Variants in BMAL1 observed in about 807,000 individuals in gnomAD.
BMAL1 encodes basic helix-loop-helix ARNT-like protein 1.
chr11:13,354,514 T>TAGCAGCCAGCTACTGTTTCATCC, the BMAL1 span: 1 of 1,568,324 alleles, frequency 6.4e-7, no homozygotes, highest in African/African-American at 1.4e-5. Context: ...ATGGAACATC[T>TAGCAGCCAGCTACTGTTTCATCC]AGCAGCCAGC....
chr11:13,383,937 CTT>C, the BMAL1 span, among the ~76,000 whole-genome samples: 1 of 152,112 alleles, frequency 6.6e-6, no homozygotes, highest in Non-Finnish European at 1.5e-5. Flanking sequence ...AAGCACACAT[CTT>C]TTTAATGCTC....
the BMAL1 span, among the ~76,000 whole-genome samples, chr11:13,277,267 G>A: frequency 6.6e-6 from 1 of 152,222 alleles, no homozygotes; most frequent in South Asian, 2.1e-4. Flanking sequence ...ATGCCCGGAG[G>A]GGAGAAGAAG....
the BMAL1 span, chr11:13,356,342 G>A: frequency 2.1e-6 from 1 of 475,196 alleles, no homozygotes; most frequent in Non-Finnish European, 4.2e-6. Context: ...AATATGTTTT[G>A]CAAACAGAAT....
the BMAL1 span, among the ~76,000 whole-genome samples, chr11:13,366,497 T>G: frequency 6.6e-6 from 1 of 152,332 alleles, no homozygotes; most frequent in East Asian, 1.9e-4. Context: ...GCCTCCTTCC[T>G]GGTGTCAGGC....
At chr11:13,279,903 G>T in the BMAL1 span, among the ~76,000 whole-genome samples, 1 of 152,186 alleles carries the variant, frequency 6.6e-6, no homozygotes, top group Non-Finnish European at 1.5e-5. Flanking sequence ...AACAGATCTG[G>T]TAGAAAAGCA....
At chr11:13,360,145 C>T in the BMAL1 span, among the ~76,000 whole-genome samples, 1 of 152,178 alleles carries the variant, frequency 6.6e-6, no homozygotes, top group Non-Finnish European at 1.5e-5. Context: ...ACAGTGTTCT[C>T]TCTTCCATGG....
At chr11:13,369,563 C>G in the BMAL1 span, 1 of 1,605,638 alleles carries the variant, frequency 6.2e-7, no homozygotes, top group Non-Finnish European at 8.5e-7. Context: ...CACACTCCCC[C>G]TCCTGACAGA....
chr11:13,336,830 T>C, the BMAL1 span, among the ~76,000 whole-genome samples: 1 of 152,220 alleles, frequency 6.6e-6, no homozygotes, highest in Non-Finnish European at 1.5e-5. Flanking sequence ...AGTAAGCTTT[T>C]GGTCCCTTAA....
At chr11:13,357,687 C>T in the BMAL1 span, among the ~76,000 whole-genome samples, 33 of 152,350 alleles carry the variant, frequency 2.2e-4, no homozygotes, top group African/African-American at 7.2e-4. This position sits in a 1 kb window ranked among gnomAD's most constrained non-coding sequence, Gnocchi z 4.8. Flanking sequence ...CCTAAGGCTT[C>T]AAGCTCTTCC....
the BMAL1 span, among the ~76,000 whole-genome samples, chr11:13,367,402 GA>G: frequency 6.6e-6 from 1 of 152,114 alleles, no homozygotes. Context: ...AGTTAAGAAT[GA>G]GAGAATGAGG....
chr11:13,301,025 A>C, the BMAL1 span, among the ~76,000 whole-genome samples: 2 of 152,046 alleles, frequency 1.3e-5, 1 homozygote. Flanking sequence ...GCAACTTCTG[A>C]CTACCTGATT....
the BMAL1 span, chr11:13,366,798 G>C: frequency 6.2e-7 from 1 of 1,605,692 alleles, no homozygotes; most frequent in Non-Finnish European, 8.5e-7. Context: ...TACCAGAGAG[G>C]CCTCGCATTT....
chr11:13,343,922 A>G, the BMAL1 span, among the ~76,000 whole-genome samples: 1 of 152,150 alleles, frequency 6.6e-6, no homozygotes, highest in Non-Finnish European at 1.5e-5. Context: ...ATCAAGCCCC[A>G]TAGCTCCAAA....
chr11:13,309,191 G>A, the BMAL1 span, among the ~76,000 whole-genome samples: 317 of 152,234 alleles, frequency 2.1e-3, no homozygotes, highest in African/African-American at 7.2e-3. Context: ...TGAAATGGAT[G>A]CGCCATCTCA....
chr11:13,277,802 T>C, the BMAL1 span: 1 of 152,166 alleles, frequency 6.6e-6, no homozygotes, highest in African/African-American at 2.4e-5. Context: ...TGGTGCGACA[T>C]TTAGGGAAGG....
At chr11:13,300,093 C>T in the BMAL1 span, among the ~76,000 whole-genome samples, 1 of 152,278 alleles carries the variant, frequency 6.6e-6, no homozygotes, top group East Asian at 1.9e-4. Flanking sequence ...GGCCTTTCCC[C>T]TGCACTATGG....
At chr11:13,356,800 A>G in the BMAL1 span, 1 of 1,614,086 alleles carries the variant, frequency 6.2e-7, no homozygotes, top group Non-Finnish European at 8.5e-7. Context: ...TAGTAATTTG[A>G]ACTTCAGCAT....
chr11:13,302,542 A>G, the BMAL1 span, among the ~76,000 whole-genome samples: 1 of 152,200 alleles, frequency 6.6e-6, no homozygotes, highest in Non-Finnish European at 1.5e-5. Flanking sequence ...ATGCTGTGCA[A>G]TCGCTATTTT....
chr11:13,300,673 T>C, the BMAL1 span, among the ~76,000 whole-genome samples: 1 of 152,186 alleles, frequency 6.6e-6, no homozygotes, highest in Non-Finnish European at 1.5e-5. Context: ...AGAAATGCCC[T>C]AAAACAAGAA....
Sources: gnomAD v4.1 joint callset for allele counts (sites outside exome capture counted in the v4.1 genomes callset) on GRCh38, gnomAD v4.1.1 for gene constraint, Gnocchi (gnomAD v3.1) non-coding constraint, MANE v1.5 for transcripts, NCBI Gene and HGNC (gene_info 2026-07-23, HGNC 2026-07-21) for gene names.